PDE10A: variants seen among roughly 807,000 people sequenced by gnomAD.
PDE10A encodes phosphodiesterase 10A.
PDE10A carries 39 observed loss-of-function variants against 97.7 expected under a neutral mutation model. That is an observed-to-expected ratio of 0.40 (90% CI 0.31 to 0.52). The LOEUF (loss-of-function observed/expected upper bound fraction) is 0.52, where lower values mean the gene tolerates loss of function less well. PDE10A is among the 20% of genes least tolerant of loss of function. The pLI, the probability that PDE10A is intolerant of heterozygous loss-of-function variation, is 0.56. For missense variants in PDE10A, 731 were observed against 1,047.8 expected, an observed-to-expected ratio of 0.70 and a Z score of 4.17; for synonymous variants, 371 against 376.8, an observed-to-expected ratio of 0.98 and a Z score of 0.18.
intron 1 of PDE10A, among the ~76,000 whole-genome samples, chr6:165,983,932 T>C (rs1450396737): frequency 6.6e-6 from 1 of 152,258 alleles, no homozygotes; most frequent in African/African-American, 2.4e-5. Flanking sequence ...CAGCCGTGTA[T>C]TCATATAGCC....
chr6:165,919,144 C>T (rs1309907395), intron 1 of PDE10A, among the ~76,000 whole-genome samples: 3 of 152,216 alleles, frequency 2.0e-5, no homozygotes, highest in South Asian at 2.1e-4. Context: ...CAAGCCAAGC[C>T]GGTTTCATGC....
At chr6:165,860,657 T>C (rs549711587) in intron 1 of PDE10A, among the ~76,000 whole-genome samples, 3 of 152,282 alleles carry the variant, frequency 2.0e-5, no homozygotes, top group African/African-American at 7.2e-5. Flanking sequence ...ACAGTGTTGA[T>C]TTTGCGGTTA....
chr6:165,602,769 C>T (rs187167498), intron 1 of PDE10A, among the ~76,000 whole-genome samples: 18 of 152,298 alleles, frequency 1.2e-4, no homozygotes, highest in Non-Finnish European at 2.5e-4. Flanking sequence ...GAGGGTCTCA[C>T]ACCTCATGCC....
chr6:165,407,058 T>A (rs1318713920), intron 13 of PDE10A, among the ~76,000 whole-genome samples: 1 of 152,138 alleles, frequency 6.6e-6, no homozygotes, highest in Non-Finnish European at 1.5e-5. Flanking sequence ...ATTGGGGGAC[T>A]TTTTAGCTTC....
rs2128177853 is a variant in PDE10A, at chr6:165,339,338, C to T, written c.2916G>A (p.Leu972=). The change falls in exon 20 of 22, where the codon TTG becomes TTA. Residue 972 remains leucine (L), a synonymous_variant. Coordinates refer to ENST00000539869, the MANE Select transcript of PDE10A (RefSeq NM_001385079.1). ...CCATCATAGGAATAGGCTGTATTCC[C>T]AATTTCTTCATTTCATCACCCTAAG... is the stretch of plus-strand genomic sequence containing the variant. The part of the protein sequence containing the change: ...FWAEGDEMKK[L]GIQPIPMMDR... The T allele has an allele frequency of 6.2e-7, 1 of 1,600,938 alleles. No individual in the cohort carries two copies. The highest frequency in any genetic ancestry group is 8.6e-7 in the Non-Finnish European group (1 of 1,168,410).
intron 3 of PDE10A, among the ~76,000 whole-genome samples, chr6:165,462,773 C>T (rs1778403946): frequency 1.3e-5 from 2 of 152,364 alleles, no homozygotes; most frequent in South Asian, 4.1e-4. Context: ...GTGATCACCA[C>T]TGCCATGAGT....
intron 1 of PDE10A, among the ~76,000 whole-genome samples, chr6:165,931,902 G>A (rs970228486): frequency 6.6e-6 from 1 of 152,164 alleles, no homozygotes; most frequent in East Asian, 1.9e-4. Flanking sequence ...AGACAGAACA[G>A]AGGTTGAGCT....
intron 1 of PDE10A, among the ~76,000 whole-genome samples, chr6:165,658,444 G>A (rs562341609): frequency 5.9e-5 from 9 of 152,008 alleles, no homozygotes; most frequent in Non-Finnish European, 1.3e-4. Context: ...TCCTTTGTCT[G>A]TATCTCTTTA....
chr6:165,743,910 G>A (rs923454151), intron 1 of PDE10A, among the ~76,000 whole-genome samples: 1 of 152,194 alleles, frequency 6.6e-6, no homozygotes, highest in East Asian at 1.9e-4. Context: ...TGTAGGACAC[G>A]GACAGATGGA....
intron 2 of PDE10A, among the ~76,000 whole-genome samples, chr6:165,532,291 AATAG>A (rs1239136461): frequency 6.6e-6 from 1 of 151,322 alleles, no homozygotes. Flanking sequence ...CCATAAGGAG[AATAG>A]ATAGATTCTC....
chr6:165,535,020 C>A (rs1782995013), intron 2 of PDE10A, among the ~76,000 whole-genome samples: 1 of 151,874 alleles, frequency 6.6e-6, no homozygotes, highest in Non-Finnish European at 1.5e-5. Context: ...TTTCAGATGA[C>A]ACGATCTTGT....
At chr6:165,375,991 G>A (rs1784582716) in intron 18 of PDE10A, among the ~76,000 whole-genome samples, 2 of 152,210 alleles carry the variant, frequency 1.3e-5, no homozygotes, top group South Asian at 4.1e-4. Context: ...CAAGAGCTCT[G>A]ATGGACATGC....
At chr6:165,342,087 A>G (rs573495290) in intron 19 of PDE10A, among the ~76,000 whole-genome samples, 3 of 152,188 alleles carry the variant, frequency 2.0e-5, no homozygotes, top group Non-Finnish European at 4.4e-5. Context: ...GTTTTGATAA[A>G]TTTTAACTTA....
chr6:165,789,811 C>CT (rs11314361), intron 1 of PDE10A, among the ~76,000 whole-genome samples: 10 of 151,718 alleles, frequency 6.6e-5, no homozygotes, highest in East Asian at 3.9e-4. Flanking sequence ...TTCTCAGGCA[C>CT]TTTTTTTTTG....
intron 1 of PDE10A, among the ~76,000 whole-genome samples, chr6:165,731,364 T>A (rs3008006): frequency 0.62 from 94,522 of 152,004 alleles, 29,967 homozygotes; most frequent in African/African-American, 0.75. Context: ...GGGCAGGTTC[T>A]GGGCGGCCTG....
intron 1 of PDE10A, among the ~76,000 whole-genome samples, chr6:165,829,270 T>C (rs1467571039): frequency 6.6e-6 from 1 of 152,236 alleles, no homozygotes; most frequent in African/African-American, 2.4e-5. Flanking sequence ...GCTGCTGGAT[T>C]TTCAGATGCC....
intron 18 of PDE10A, among the ~76,000 whole-genome samples, chr6:165,366,681 C>T (rs1367100047): frequency 6.6e-6 from 1 of 152,116 alleles, no homozygotes; most frequent in Non-Finnish European, 1.5e-5. Flanking sequence ...TGTCAGAGCA[C>T]ACACAAGTTG....
chr6:165,621,989 G>T (rs930253757), intron 1 of PDE10A, among the ~76,000 whole-genome samples: 1 of 152,134 alleles, frequency 6.6e-6, no homozygotes, highest in African/African-American at 2.4e-5. Flanking sequence ...TTAAATCAGT[G>T]GACTCTGAGT....
chr6:165,418,280 A>G lies in PDE10A; in HGVS notation c.1796+355T>C, dbSNP rs1788463081. ...CCGGTTGGGAAGAAGTAGGGGCCGA[A>G]TTGCATAAGCACACCTTTTCTCTTG... On this transcript the variant is annotated intron_variant, in intron 11 of 21. Coordinates refer to ENST00000539869, the MANE Select transcript of PDE10A (RefSeq NM_001385079.1). The surrounding 1 kb of genome is among the most constrained non-coding windows in gnomAD (Gnocchi z 4.8). Among the ~76,000 whole-genome samples, 1 of 152,194 alleles carries G rather than the reference A, an allele frequency of 6.6e-6. No individual in the cohort carries two copies. Among genetic ancestry groups the G allele is most frequent in the Non-Finnish European group, 1.5e-5 (1 of 68,032 alleles).
Sources: allele counts gnomAD v4.1 joint callset (sites outside exome capture counted in the v4.1 genomes callset), GRCh38; gene constraint gnomAD v4.1.1; non-coding constraint Gnocchi (gnomAD v3.1); transcripts MANE v1.5; gene names NCBI Gene and HGNC (gene_info 2026-07-23, HGNC 2026-07-21).